Variants in LIN37 observed in about 807,000 individuals in gnomAD.
LIN37 encodes lin-37 DREAM MuvB core complex component.
Under a neutral mutation model 38.0 loss-of-function variants are expected in LIN37, and 21 were observed. The ratio of observed to expected loss-of-function variants is 0.55; its 90% CI spans 0.39 to 0.80. The LOEUF (loss-of-function observed/expected upper bound fraction) is 0.80, where lower values mean the gene tolerates loss of function less well. Among genes scored for constraint, LIN37 ranks in the 30% least tolerant of loss-of-function variants. The probability of loss-of-function intolerance (pLI) is 0.00; values close to 1 mark genes in which losing one functional copy is unlikely to be tolerated. For synonymous variants in LIN37, 126 were observed against 122.9 expected, an observed-to-expected ratio of 1.03 and a Z score of -0.17; for missense variants, 273 against 338.5, an observed-to-expected ratio of 0.81 and a Z score of 1.52.
intron 1 of LIN37, among the ~76,000 whole-genome samples, chr19:35,750,960 C>CA (rs922654829): frequency 3.3e-5 from 5 of 150,312 alleles, no homozygotes; most frequent in African/African-American, 1.2e-4. Context: ...GACTCCGTCT[C>CA]AAAAAAAAGA....
chr19:35,754,410 A>G lies in LIN37; in HGVS notation c.677A>G (p.His226Arg). The G allele has an allele frequency of 3.1e-6, 5 of 1,614,020 alleles. No homozygotes were observed. The highest frequency in any genetic ancestry group is 4.2e-6 in the Non-Finnish European group (5 of 1,179,892). Residue 226 changes from histidine (H) to arginine (R), a missense_variant, in exon 9 of 9, where the codon CAT becomes CGT. By Grantham distance (29) the His-to-Arg change is conservative. Coordinates refer to ENST00000301159, the MANE Select transcript of LIN37 (RefSeq NM_019104.3). ...RIRQRWKEAS[H>R]RNQLRYSESM... ...CTCCCCAGGTGGAAGGAGGCCTCTC[A>G]TCGGAACCAGCTTCGTTACTCAGAA...
Position 35,754,151 on chromosome 19 carries a change from C to A in LIN37, c.579C>A (p.Asp193Glu). 6.2e-7 allele frequency: 1 copy of A among 1,613,988 alleles called. No homozygotes were observed. Among genetic ancestry groups the A allele is most frequent in the Non-Finnish European group, 8.5e-7 (1 of 1,179,880 alleles). ...PLQPEMQGTPDDEPSEPEPSP... is the reference protein window; with the variant it reads ...PLQPEMQGTPEDEPSEPEPSP... ...AGCCTGAGATGCAGGGCACCCCTGA[C>A]GATGAGGTGAGTATGCCAGGCTGGC... is the stretch of plus-strand genomic sequence containing the variant. The change falls in exon 7 of 9, where the codon GAC becomes GAA. Residue 193 changes from aspartate to glutamate, a missense_variant. Coordinates refer to ENST00000301159, the MANE Select transcript of LIN37 (RefSeq NM_019104.3).
At chr19:35,750,377 C>A (rs1809116623) in intron 1 of LIN37, among the ~76,000 whole-genome samples, 1 of 152,182 alleles carries the variant, frequency 6.6e-6, no homozygotes. Context: ...TCTGTCTCTC[C>A]TCTGAGCTAT....
chr19:35,753,992 T>C (rs752737661), intron 6 of LIN37, 25 bp from the exon 7 acceptor site: 4 of 1,607,720 alleles, frequency 2.5e-6, no homozygotes, highest in Admixed American at 3.3e-5. Flanking sequence ...CTCTTGGGCC[T>C]GGCATGGGGC....
intron 3 of LIN37, 114 bp from the exon 4 acceptor site, chr19:35,752,690 A>T: frequency 6.9e-7 from 1 of 1,442,854 alleles, no homozygotes; most frequent in South Asian, 1.2e-5. Flanking sequence ...AAAAGGCCCA[A>T]GAGGCAAGTG....
In LIN37 at chr19:35,748,616, G is replaced by A. The variant is rs899873138; in HGVS notation, c.-109G>A. On this transcript the variant is annotated 5_prime_UTR_variant, in exon 1 of 9. Transcript: ENST00000301159. ...CACAACCAAAGGCGGAGGACCCGTG[G>A]CCCACGAAGCTCATCTTTGAACTGT... 1.0e-5 allele frequency: 15 copies of A among 1,470,190 alleles called. No individual in the cohort carries two copies. The African/African-American group carries it at 1.7e-4, about 16-fold the overall frequency. The allele number at this position is 1,470,190 out of a possible 1,614,324, so 91.1% of individuals were successfully genotyped here. A position where few individuals can be genotyped will look rare whatever the true frequency, so the allele number is the denominator to read the frequency against.
chr19:35,753,773 C>T (rs1970713388), intron 6 of LIN37: 2 of 582,466 alleles, frequency 3.4e-6, no homozygotes, highest in South Asian at 4.2e-5. Context: ...GACGCGACTC[C>T]CTGGGCTGAC....
At chr19:35,752,110 C>G (rs1014787965) in intron 1 of LIN37, 66 bp from the exon 2 acceptor site, 4 of 1,285,154 alleles carry the variant, frequency 3.1e-6, no homozygotes, top group Middle Eastern at 1.9e-4. Context: ...CCTTCCCTGG[C>G]CCAGTCAGCT....
At position 35,748,775 on chromosome 19, in the gene LIN37, C is replaced by T; in HGVS notation, c.34+17C>T. The T allele has an allele frequency of 6.2e-7, 1 of 1,613,712 alleles. No homozygotes were observed. Reference sequence around the variant, plus strand: ...AGAAATCAGGTGAGGACCCTGACGTCGGGGGCCTGTCGGGACCATCGGGTT... The same window carrying T: ...AGAAATCAGGTGAGGACCCTGACGTTGGGGGCCTGTCGGGACCATCGGGTT... On this transcript the variant is annotated intron_variant, in intron 1 of 8. Coordinates refer to ENST00000301159, the MANE Select transcript of LIN37 (RefSeq NM_019104.3).
chr19:35,748,882 G>C, intron 1 of LIN37, 124 bp downstream of exon 1: 1 of 1,587,014 alleles, frequency 6.3e-7, no homozygotes, highest in Admixed American at 1.7e-5. Flanking sequence ...CCTGACAATC[G>C]CTGTATCAGG....
At chr19:35,749,100 C>A (rs956058041) in intron 1 of LIN37, 5 of 661,538 alleles carry the variant, frequency 7.6e-6, no homozygotes, top group Non-Finnish European at 9.8e-6. Context: ...GCTATATTGC[C>A]CAGGCTGGTC....
At chr19:35,750,135 T>C (rs901075147) in intron 1 of LIN37, among the ~76,000 whole-genome samples, 3 of 139,928 alleles carry the variant, frequency 2.1e-5, no homozygotes, top group Non-Finnish European at 4.6e-5. Context: ...GGAGGCCTAG[T>C]GGACAGGCCA....
chr19:35,753,774 C>T, intron 6 of LIN37: 1 of 583,440 alleles, frequency 1.7e-6, no homozygotes, highest in East Asian at 2.9e-5. Flanking sequence ...ACGCGACTCC[C>T]TGGGCTGACA....
At position 35,752,659 on chromosome 19, in the gene LIN37, C is replaced by G; in HGVS notation, c.162-145C>G. ...GTCCCCCCGTGGTTGCCACCTAGACCCCCATGGGTATGGGTGGGACAAAAG... is the reference window on the plus strand; with the variant it reads ...GTCCCCCCGTGGTTGCCACCTAGACGCCCATGGGTATGGGTGGGACAAAAG... On this transcript the variant is annotated intron_variant, in intron 3 of 8. Coordinates refer to ENST00000301159, the MANE Select transcript of LIN37 (RefSeq NM_019104.3). The G allele has an allele frequency of 4.6e-6, 6 of 1,305,086 alleles. No homozygotes were observed. In the South Asian group the frequency reaches 7.7e-5, roughly 17 times the overall value. 80.8% of individuals were successfully genotyped at this position (1,305,086 alleles called of 1,614,324 possible).
intron 7 of LIN37, 41 bp downstream of exon 7, chr19:35,754,198 G>A (rs750097072): frequency 8.1e-6 from 13 of 1,613,862 alleles, no homozygotes; most frequent in Middle Eastern, 1.6e-4. Context: ...GGGCACATGC[G>A]GTAGGGCTCA....
chr19:35,751,212 T>C (rs1463906153), intron 1 of LIN37, among the ~76,000 whole-genome samples: 3 of 151,578 alleles, frequency 2.0e-5, no homozygotes, highest in Non-Finnish European at 4.4e-5. Context: ...TCCCAGCTAT[T>C]TGGGAGGCTG....
intron 1 of LIN37, 164 bp downstream of exon 1, chr19:35,748,922 C>A (rs1348417725): frequency 1.3e-6 from 2 of 1,528,554 alleles, no homozygotes; most frequent in Admixed American, 1.9e-5. Context: ...CCTTCACACC[C>A]TCCCGGTGTG....
rs755744133 is a variant in LIN37, at chr19:35,754,298, G to A, written c.638G>A (p.Arg213His). The A allele has an allele frequency of 2.8e-5, 45 of 1,613,888 alleles. No homozygotes were observed. The highest frequency in any genetic ancestry group is 4.5e-5 in the East Asian group (2 of 44,898). ...ACACTCATCTATCGCAACATGCAGC[G>A]CTGGAAACGCATCCGCCAGAGGTGA... is the stretch of plus-strand genomic sequence containing the variant. ...PSTLIYRNMQRWKRIRQRWKE... is the reference protein window; with the variant it reads ...PSTLIYRNMQHWKRIRQRWKE... Residue 213 changes from arginine (R) to histidine (H), a missense_variant, in exon 8 of 9, where the codon CGC (arginine) becomes CAC (histidine). Coordinates refer to ENST00000301159, the MANE Select transcript of LIN37 (RefSeq NM_019104.3).
chr19:35,754,215 G>C, intron 7 of LIN37, 31 bp from the exon 8 acceptor site: 1 of 1,613,966 alleles, frequency 6.2e-7, no homozygotes. Context: ...CTCAGGAATG[G>C]CCACTCAACC....
Sources: allele counts gnomAD v4.1 joint callset (sites outside exome capture counted in the v4.1 genomes callset), GRCh38; gene constraint gnomAD v4.1.1; transcripts MANE v1.5; gene names NCBI Gene and HGNC (gene_info 2026-07-23, HGNC 2026-07-21).